Variants in ACVR1C observed in about 807,000 individuals in gnomAD.
ACVR1C encodes the protein activin receptor type-1C.
A neutral mutation model predicts 57.9 loss-of-function variants in ACVR1C; 23 were observed. That is an observed-to-expected ratio of 0.40 (90% CI 0.29 to 0.56). The LOEUF is 0.56. ACVR1C is among the 20% of genes least tolerant of loss of function. The pLI, the probability that ACVR1C is intolerant of heterozygous loss-of-function variation, is 0.50. For missense variants in ACVR1C, 480 were observed against 607.9 expected (o/e 0.79, Z 2.21); for synonymous variants, 214 against 215.3 (o/e 0.99, Z 0.05).
At chr2:157,554,879 T>C (rs1033394445) in intron 3 of ACVR1C, among the ~76,000 whole-genome samples, 3 of 152,104 alleles carry the variant, frequency 2.0e-5, no homozygotes, top group African/African-American at 7.2e-5. Flanking sequence ...GTTCGTATTT[T>C]CATAAACCAT....
At position 157,557,965 on chromosome 2, in the gene ACVR1C, A is replaced by AG. The variant is rs1203725634; in HGVS notation, c.305-1634dup. Among the ~76,000 whole-genome samples the AG allele has an allele frequency of 2.0e-5, 3 of 152,322 alleles. No homozygotes were observed. The East Asian group carries it at 5.8e-4, about 29-fold the overall frequency. On this transcript the variant is annotated intron_variant, in intron 2 of 8. Coordinates refer to ENST00000243349, the MANE Select transcript of ACVR1C (RefSeq NM_145259.3). Reference sequence around the variant, plus strand: ...TGTTCATTTCCTTTTCGTTGACTAAAGATAGCCTCTGCATCAATCCCATTT... The same window carrying AG: ...TGTTCATTTCCTTTTCGTTGACTAAAGGATAGCCTCTGCATCAATCCCATTT...
intron 2 of ACVR1C, among the ~76,000 whole-genome samples, chr2:157,580,540 C>T (rs901770482): frequency 6.6e-6 from 1 of 152,188 alleles, no homozygotes; most frequent in Non-Finnish European, 1.5e-5. Flanking sequence ...CCAAGTTACA[C>T]TTTAGATGTC....
intron 2 of ACVR1C, among the ~76,000 whole-genome samples, chr2:157,577,396 C>T (rs1688689809): frequency 6.6e-6 from 1 of 151,392 alleles, no homozygotes; most frequent in Admixed American, 6.6e-5. Flanking sequence ...TCTATTTATC[C>T]TTATAGATCT....
At chr2:157,614,424 G>A (rs775812000) in intron 1 of ACVR1C, among the ~76,000 whole-genome samples, 85 of 152,006 alleles carry the variant, frequency 5.6e-4, no homozygotes, top group Non-Finnish European at 1.1e-3. Context: ...CCACAATATG[G>A]TCTATCTTGG....
At chr2:157,583,052 G>A (rs1014060002) in intron 2 of ACVR1C, among the ~76,000 whole-genome samples, 4 of 151,922 alleles carry the variant, frequency 2.6e-5, no homozygotes, top group Non-Finnish European at 5.9e-5. Flanking sequence ...GTAGAAATGG[G>A]GTTTCACCAT....
At chr2:157,604,937 C>T (rs1437191382) in intron 1 of ACVR1C, among the ~76,000 whole-genome samples, 2 of 151,784 alleles carry the variant, frequency 1.3e-5, no homozygotes, top group Non-Finnish European at 3.0e-5. Context: ...TTTTACAGAT[C>T]ATGCTTTTAG....
chr2:157,628,810 G>T lies in ACVR1C; in HGVS notation c.-166C>A. 4.5e-6 allele frequency: 2 copies of T among 444,776 alleles called. No individual in the cohort carries two copies. The highest frequency in any genetic ancestry group is 7.5e-6 in the Non-Finnish European group (2 of 265,826). 27.6% of individuals were successfully genotyped at this position (444,776 alleles called of 1,614,324 possible). ...AGTCAGTGTGGGCGCCCCCCTCCCC[G>T]GCCGCCCCCATCCCACGCCCCCTGC... is the stretch of plus-strand genomic sequence containing the variant. On this transcript the variant is annotated 5_prime_UTR_variant, in exon 1 of 9. Coordinates refer to ENST00000243349, the MANE Select transcript of ACVR1C (RefSeq NM_145259.3).
chr2:157,550,092 T>G (rs1687879556), intron 4 of ACVR1C, 70 bp downstream of exon 4: 3 of 1,397,304 alleles, frequency 2.1e-6, no homozygotes, highest in African/African-American at 2.9e-5. Flanking sequence ...AGACAACATT[T>G]TTTTTTTGAG....
At chr2:157,562,340 A>G (rs980149444) in intron 2 of ACVR1C, among the ~76,000 whole-genome samples, 86 of 146,708 alleles carry the variant, frequency 5.9e-4, no homozygotes, top group Admixed American at 1.5e-3. Context: ...CATATATTAT[A>G]TGGAAAACTT....
At chr2:157,565,065 G>A (rs1688329965) in intron 2 of ACVR1C, among the ~76,000 whole-genome samples, 2 of 151,898 alleles carry the variant, frequency 1.3e-5, no homozygotes, top group Admixed American at 6.6e-5. Context: ...CATGGCACAC[G>A]TATACCTATG....
chr2:157,624,552 A>T (rs1258177991), intron 1 of ACVR1C, among the ~76,000 whole-genome samples: 1 of 152,214 alleles, frequency 6.6e-6, no homozygotes, highest in Non-Finnish European at 1.5e-5. Flanking sequence ...GGGAATCAAG[A>T]GTTATTCTTG....
chr2:157,539,603 T>G (rs1190260019), intron 7 of ACVR1C, among the ~76,000 whole-genome samples: 1 of 152,248 alleles, frequency 6.6e-6, no homozygotes, highest in African/African-American at 2.4e-5. Flanking sequence ...TTAACATGTT[T>G]GAAATCTTGC....
intron 3 of ACVR1C, among the ~76,000 whole-genome samples, chr2:157,550,935 T>C (rs972229900): frequency 6.6e-6 from 1 of 152,130 alleles, no homozygotes; most frequent in African/African-American, 2.4e-5. Context: ...AAATGAATAT[T>C]TTCTGCAGAA....
chr2:157,578,219 TG>T (rs1237547869), intron 2 of ACVR1C, among the ~76,000 whole-genome samples: 22 of 152,308 alleles, frequency 1.4e-4, no homozygotes, highest in African/African-American at 5.3e-4. Context: ...TGACATTTTT[TG>T]GATTTGTTTT....
chr2:157,539,757 T>C lies in ACVR1C; in HGVS notation c.1226-1054A>G, dbSNP rs528846301. On this transcript the variant is annotated intron_variant, in intron 7 of 8. Coordinates refer to ENST00000243349, the MANE Select transcript of ACVR1C (RefSeq NM_145259.3). The stretch of plus-strand genomic sequence containing the variant: ...AATGCTATGAATTTGTTCAGAGACA[T>C]AGAGCTAGTAAGTGGCAGATCTGGA... Among the ~76,000 whole-genome samples, 8 of 152,332 alleles carry C rather than the reference T, an allele frequency of 5.3e-5. No individual in the cohort carries two copies. The South Asian group carries it at 1.2e-3, about 24-fold the overall frequency.
At chr2:157,539,349 T>A (rs770502253) in intron 7 of ACVR1C, among the ~76,000 whole-genome samples, 9 of 152,110 alleles carry the variant, frequency 5.9e-5, no homozygotes, top group Non-Finnish European at 8.8e-5. Context: ...ATTTAAAGAG[T>A]CTCAAAGACA....
chr2:157,607,510 T>C (rs1299387736), intron 1 of ACVR1C, among the ~76,000 whole-genome samples: 1 of 151,758 alleles, frequency 6.6e-6, no homozygotes, highest in Non-Finnish European at 1.5e-5. Flanking sequence ...GAAAATGACA[T>C]TAGTATTTTG....
intron 7 of ACVR1C, 116 bp downstream of exon 7, chr2:157,540,974 C>G (rs1687612904): frequency 1.5e-6 from 2 of 1,296,038 alleles, no homozygotes; most frequent in Non-Finnish European, 2.1e-6. Context: ...AAGGTATTCT[C>G]TTAAATACTA....
At position 157,621,729 on chromosome 2, in the gene ACVR1C, C is replaced by T. The variant is rs567986939; in HGVS notation, c.73+6843G>A. On this transcript the variant is annotated intron_variant, in intron 1 of 8. Transcript: ENST00000243349. Reference sequence around the variant, plus strand: ...GGAACTCCTGCCAGTTTCCATGAGACCTGGACTAATGCGAGGTATTGCAAA... The same window carrying T: ...GGAACTCCTGCCAGTTTCCATGAGATCTGGACTAATGCGAGGTATTGCAAA... Among the ~76,000 whole-genome samples the T allele has an allele frequency of 6.6e-5, 10 of 152,276 alleles. No homozygotes were observed. In the South Asian group the frequency reaches 1.9e-3, roughly 28 times the overall value.
Sources: allele counts gnomAD v4.1 joint callset (sites outside exome capture counted in the v4.1 genomes callset), GRCh38; gene constraint gnomAD v4.1.1; transcripts MANE v1.5; gene names NCBI Gene and HGNC (gene_info 2026-07-23, HGNC 2026-07-21).